Variants in GATD1 observed in about 807,000 individuals in gnomAD.
GATD1 encodes glutamine amidotransferase class 1 domain containing 1, also known as glutamine amidotransferase-like class 1 domain-containing protein 1.
A neutral mutation model predicts 25.9 loss-of-function variants in GATD1; 23 were observed. That is an observed-to-expected ratio of 0.89 (90% CI 0.64 to 1.26). The LOEUF is 1.26. GATD1 is among the 50% of genes most tolerant of loss of function. GATD1 has a pLI of 0.00. For missense variants in GATD1, 347 were observed against 312.5 expected (o/e 1.11, Z -0.83); for synonymous variants, 177 against 134.6 (o/e 1.31, Z -2.18).
intron 1 of GATD1, among the ~76,000 whole-genome samples, chr11:775,976 CTTTTTTTTTTTT>C (rs71022972): frequency 2.4e-4 from 17 of 72,286 alleles, no homozygotes; most frequent in Middle Eastern, 0.034. Flanking sequence ...TATCTTCATT[CTTTTTTTTTTTT>C]TTTTTTTTTT....
At chr11:773,004 G>T (rs1234545059) in intron 4 of GATD1, among the ~76,000 whole-genome samples, 2 of 152,240 alleles carry the variant, frequency 1.3e-5, no homozygotes, top group Non-Finnish European at 2.9e-5. Flanking sequence ...TCCCACGGCT[G>T]AGGTGGCCAC....
Position 772,270 on chromosome 11 carries a change from C to T in GATD1, c.450+157G>A, listed in dbSNP as rs563249034. 1.0e-4 allele frequency among the ~76,000 whole-genome samples: 11 copies of T among 105,384 alleles called. No homozygotes were observed. The South Asian group carries it at 1.1e-3, about 11-fold the overall frequency. The allele number at this position is 105,384 out of a possible 152,430, so 69.1% of individuals were successfully genotyped here. A position where few individuals can be genotyped will look rare whatever the true frequency, so the allele number is the denominator to read the frequency against. On this transcript the variant is annotated intron_variant, in intron 5 of 7. Transcript: ENST00000319863. ...CTCCAGGCACTCACCCTGGAGCCTC[C>T]GACCTCACCTCTGGCTGTGATGGGG...
chr11:775,022 G>T, intron 2 of GATD1, 44 bp downstream of exon 2: 1 of 1,548,072 alleles, frequency 6.5e-7, no homozygotes, highest in South Asian at 1.2e-5. Flanking sequence ...GAGAGGTGGA[G>T]ACAGACCCCA....
chr11:771,782 A>T (rs1332226793), intron 5 of GATD1, among the ~76,000 whole-genome samples: 1 of 152,140 alleles, frequency 6.6e-6, no homozygotes, highest in Non-Finnish European at 1.5e-5. Context: ...CACTCACTCA[A>T]GGGGTCACGC....
chr11:773,018 C>T lies in GATD1; in HGVS notation c.356-497G>A, dbSNP rs183399134. On this transcript the variant is annotated intron_variant, in intron 4 of 7. Transcript: ENST00000319863. ...TTCCCACGGCTGAGGTGGCCACAAACAATTGCTGCCTGTCCAGGCCATGCT... is the reference window on the plus strand; with the variant it reads ...TTCCCACGGCTGAGGTGGCCACAAATAATTGCTGCCTGTCCAGGCCATGCT... 5.3e-5 allele frequency among the ~76,000 whole-genome samples: 8 copies of T among 152,356 alleles called. No individual in the cohort carries two copies. The East Asian group carries it at 1.5e-3, about 29-fold the overall frequency.
intron 5 of GATD1, among the ~76,000 whole-genome samples, chr11:771,688 A>C (rs555491172): frequency 1.3e-5 from 2 of 152,246 alleles, no homozygotes; most frequent in African/African-American, 4.8e-5. Context: ...CACACAGGTG[A>C]CTAGAATGAG....
rs1863123237 is a variant in GATD1 at position 767,543 on chromosome 11, A to G, written c.*3354T>C. The G allele has an allele frequency of 2.1e-6, 3 of 1,421,822 alleles. No individual in the cohort carries two copies. The highest frequency in any genetic ancestry group is 1.8e-6 in the Non-Finnish European group (2 of 1,093,644). 88.1% of individuals were successfully genotyped at this position (1,421,822 alleles called of 1,614,324 possible). ...AAAGCCCCACCTGCTTTGATCTTCA[A>G]TGCTGGGCTCAATGTCAGATCTGGC... is the stretch of plus-strand genomic sequence containing the variant. On this transcript the variant is annotated 3_prime_UTR_variant, in exon 8 of 8. Coordinates refer to ENST00000319863, the MANE Select transcript of GATD1 (RefSeq NM_182612.4).
At chr11:771,710 G>C (rs1228014591) in intron 5 of GATD1, among the ~76,000 whole-genome samples, 1 of 152,268 alleles carries the variant, frequency 6.6e-6, no homozygotes, top group East Asian at 1.9e-4. Flanking sequence ...AGGGCTTGGT[G>C]GGGTGAGCCC....
intron 6 of GATD1, 49 bp downstream of exon 6, chr11:771,284 G>A: frequency 6.3e-7 from 1 of 1,589,828 alleles, no homozygotes; most frequent in Non-Finnish European, 8.6e-7. Context: ...CAGCAGGGAA[G>A]CCCCCCACCC....
chr11:773,657 A>T, intron 3 of GATD1, 28 bp from the exon 4 acceptor site: 1 of 1,539,048 alleles, frequency 6.5e-7, no homozygotes. Context: ...ACCAGGTAGC[A>T]GCCACATGTC....
chr11:774,226 A>C, intron 2 of GATD1, 113 bp from the exon 3 acceptor site: 1 of 842,656 alleles, frequency 1.2e-6, no homozygotes, highest in South Asian at 1.6e-5. Flanking sequence ...TGAGGCACAA[A>C]GGCCCCCGAC....
intron 4 of GATD1, 178 bp downstream of exon 4, chr11:773,344 G>C: frequency 1.7e-6 from 1 of 593,494 alleles, no homozygotes; most frequent in South Asian, 2.1e-5. Context: ...GACAAAGTCT[G>C]TGTGTGTCGG....
At position 777,334 on chromosome 11, in the gene GATD1, C is replaced by T. The variant is rs535808152; in HGVS notation, c.64+65G>A. 2.5e-4 allele frequency: 304 copies of T among 1,195,452 alleles called. 5 individuals carry two copies. The South Asian group carries it at 7.8e-3, about 31-fold the overall frequency. The allele number at this position is 1,195,452 out of a possible 1,614,324, so 74.1% of individuals were successfully genotyped here. On this transcript the variant is annotated intron_variant, in intron 1 of 7. Transcript: ENST00000319863. Reference sequence around the variant, plus strand: ...GACGCGCGCCCACCGTGTCCCGAACCTCCCGCCCCGGGCAGCCCCCTCGCG... The same window carrying T: ...GACGCGCGCCCACCGTGTCCCGAACTTCCCGCCCCGGGCAGCCCCCTCGCG...
rs1230816038 is a variant in GATD1, at chr11:775,142, C to T, written c.65G>A (p.Gly22Asp). Residue 22 changes from glycine (G) to aspartate (D), a missense_variant and splice_region_variant, in exon 2 of 8, where the codon GGT (glycine) becomes GAT (aspartate). Transcript: ENST00000319863. ...GTGGAGGAAGGACTGGGCCGACACA[C>T]CTGCAGAAGGTCCCAGTGAGTGTGG... ...CLLVASGAAE[G>D]VSAQSFLHCF... The T allele has an allele frequency of 8.1e-6, 13 of 1,598,964 alleles. No homozygotes were observed. Among genetic ancestry groups the T allele is most frequent in the South Asian group, 1.1e-5 (1 of 87,976 alleles).
chr11:769,026 G>A lies in GATD1; in HGVS notation c.*1871C>T, dbSNP rs758244659. 1.1e-5 allele frequency: 6 copies of A among 565,144 alleles called. No homozygotes were observed. The highest frequency in any genetic ancestry group is 2.1e-5 in the African/African-American group (1 of 48,386). The allele number at this position is 565,144 out of a possible 1,614,324, so 35.0% of individuals were successfully genotyped here. A position where few individuals can be genotyped will look rare whatever the true frequency, so the allele number is the denominator to read the frequency against. Reference sequence around the variant, plus strand: ...TGAGGCAGGAGAATCGCTTGAACCCGGGAGACAGAGGTTGCAGTGAGCCAA... The same window carrying A: ...TGAGGCAGGAGAATCGCTTGAACCCAGGAGACAGAGGTTGCAGTGAGCCAA... On this transcript the variant is annotated 3_prime_UTR_variant, in exon 8 of 8. Coordinates refer to ENST00000319863, the MANE Select transcript of GATD1 (RefSeq NM_182612.4).
chr11:769,397 T>C lies in GATD1; in HGVS notation c.*1500A>G, dbSNP rs1041179025. The stretch of plus-strand genomic sequence containing the variant: ...GTGCAATGGCGCAATCTTGGCTCAC[T>C]GCAACTTCCGCCTCCCAGGTTCAAG... On this transcript the variant is annotated 3_prime_UTR_variant, in exon 8 of 8. Coordinates refer to ENST00000319863, the MANE Select transcript of GATD1 (RefSeq NM_182612.4). The C allele has an allele frequency of 9.4e-6, 6 of 641,190 alleles. No homozygotes were observed. Among genetic ancestry groups the C allele is most frequent in the Admixed American group, 6.3e-5 (1 of 15,850 alleles). 39.7% of individuals were successfully genotyped at this position (641,190 alleles called of 1,614,324 possible). A position where few individuals can be genotyped will look rare whatever the true frequency, so the allele number is the denominator to read the frequency against.
intron 1 of GATD1, 40 bp downstream of exon 1, chr11:777,359 G>C (rs965626868): frequency 2.4e-6 from 3 of 1,267,812 alleles, no homozygotes; most frequent in African/African-American, 3.2e-5. Context: ...GCCCCCTCGC[G>C]GACGCTCTTC....
chr11:771,478 C>G, intron 5 of GATD1, 52 bp from the exon 6 acceptor site: 1 of 1,483,712 alleles, frequency 6.7e-7, no homozygotes, highest in Non-Finnish European at 8.9e-7. Flanking sequence ...CTGCGGCCCA[C>G]CCCAGGGGTC....
In GATD1 at chr11:770,064, G is replaced by A; in HGVS notation, c.*833C>T. On this transcript the variant is annotated 3_prime_UTR_variant, in exon 8 of 8. Transcript: ENST00000319863. The stretch of plus-strand genomic sequence containing the variant: ...GCTCAAACTGGGGAACTGTGAGGAA[G>A]TAGAGGGCCTAAGCCTCTCCTGGAC... 8.5e-7 allele frequency: 1 copy of A among 1,175,326 alleles called. No homozygotes were observed. The allele number at this position is 1,175,326 out of a possible 1,614,324, so 72.8% of individuals were successfully genotyped here.
Sources: allele counts gnomAD v4.1 joint callset (sites outside exome capture counted in the v4.1 genomes callset), GRCh38; gene constraint gnomAD v4.1.1; transcripts MANE v1.5; gene names NCBI Gene and HGNC (gene_info 2026-07-23, HGNC 2026-07-21).